The following ST6GALNAC5 variants were observed in gnomAD, a reference collection of about 807,000 sequenced individuals.
ST6GALNAC5 encodes ST6 N-acetylgalactosaminide alpha-2,6-sialyltransferase 5, also known as alpha-N-acetylgalactosaminide alpha-2,6-sialyltransferase 5.
In ST6GALNAC5, 27 loss-of-function variants were observed where a neutral mutation model predicts 33.6. The observed-to-expected ratio is 0.80, with a 90% CI of 0.59 to 1.11. The LOEUF (loss-of-function observed/expected upper bound fraction) is 1.11, where lower values mean the gene tolerates loss of function less well. Among genes scored for constraint, ST6GALNAC5 ranks in the 50% least tolerant of loss-of-function variants. The pLI, the probability that ST6GALNAC5 is intolerant of heterozygous loss-of-function variation, is 0.00. For synonymous variants in ST6GALNAC5, 194 were observed against 171.2 expected (o/e 1.13, Z -1.04); for missense variants, 428 against 454.0 (o/e 0.94, Z 0.52).
chr1:76,982,722 A>C (rs575296746), intron 2 of ST6GALNAC5, among the ~76,000 whole-genome samples: 8 of 152,308 alleles, frequency 5.3e-5, no homozygotes, highest in Admixed American at 3.9e-4. Context: ...CAGATTCAAC[A>C]AGGTTGAAAT....
In ST6GALNAC5 at chr1:76,998,776, G is replaced by A. The variant is rs1328522462; in HGVS notation, c.262-45428G>A. Reference sequence around the variant, plus strand: ...CATGACTAATATGTGTGAAATGTTTGAAGATGAAACTCTCTTTTGTAATTA... The same window carrying A: ...CATGACTAATATGTGTGAAATGTTTAAAGATGAAACTCTCTTTTGTAATTA... On this transcript the variant is annotated intron_variant, in intron 2 of 4. Transcript: ENST00000477717. Among the ~76,000 whole-genome samples the A allele has an allele frequency of 5.9e-5, 9 of 152,262 alleles. No homozygotes were observed. In the South Asian group the frequency reaches 8.3e-4, roughly 14 times the overall value.
chr1:76,868,956 G>T lies in ST6GALNAC5; in HGVS notation c.261+214G>T, dbSNP rs963987113. The T allele has an allele frequency of 2.8e-5, 21 of 741,662 alleles. No homozygotes were observed. Among genetic ancestry groups the T allele is most frequent in the Non-Finnish European group, 2.6e-5 (13 of 503,638 alleles). 45.9% of individuals were successfully genotyped at this position (741,662 alleles called of 1,614,324 possible). On this transcript the variant is annotated intron_variant, in intron 2 of 4. Coordinates refer to ENST00000477717, the MANE Select transcript of ST6GALNAC5 (RefSeq NM_030965.3). This position sits in a 1 kb window ranked among gnomAD's most constrained non-coding sequence, Gnocchi z 4.3. The stretch of plus-strand genomic sequence containing the variant: ...AAGTTTTGTAGAAAATAGGGGTGAG[G>T]TGCGTGGACCCCAAAGCCTAATTTC...
intron 2 of ST6GALNAC5, 136 bp from the exon 3 acceptor site, chr1:77,044,068 A>G (rs1651920765): frequency 4.1e-6 from 4 of 978,752 alleles, no homozygotes; most frequent in South Asian, 3.6e-5. Context: ...TAATAGCAGA[A>G]GGGATATACT....
chr1:77,016,494 C>T (rs1650858328), intron 2 of ST6GALNAC5, among the ~76,000 whole-genome samples: 1 of 151,888 alleles, frequency 6.6e-6, no homozygotes, highest in African/African-American at 2.4e-5. Flanking sequence ...ACAAAGTGCA[C>T]AATGGTCATT....
chr1:76,950,495 G>A (rs1445786645), intron 2 of ST6GALNAC5, among the ~76,000 whole-genome samples: 1 of 152,038 alleles, frequency 6.6e-6, no homozygotes, highest in East Asian at 1.9e-4. Flanking sequence ...CTTGTCATGA[G>A]CAGGCATTAA....
intron 2 of ST6GALNAC5, among the ~76,000 whole-genome samples, chr1:76,992,576 C>T (rs1391705654): frequency 6.6e-6 from 1 of 152,194 alleles, no homozygotes; most frequent in Non-Finnish European, 1.5e-5. Context: ...CTCACTGCAA[C>T]CTCTGCCTCC....
At chr1:76,880,922 C>T (rs563572018) in intron 2 of ST6GALNAC5, among the ~76,000 whole-genome samples, 16 of 152,236 alleles carry the variant, frequency 1.1e-4, no homozygotes, top group Middle Eastern at 3.4e-3. Context: ...AGAGAATTTC[C>T]GTAACCTGTA....
At chr1:76,952,166 T>G (rs912238470) in intron 2 of ST6GALNAC5, among the ~76,000 whole-genome samples, 1 of 152,120 alleles carries the variant, frequency 6.6e-6, no homozygotes, top group Non-Finnish European at 1.5e-5. Context: ...ATTGGTGGTG[T>G]TTGCTTATTT....
intron 2 of ST6GALNAC5, among the ~76,000 whole-genome samples, chr1:77,036,378 T>C (rs1245734996): frequency 6.6e-6 from 1 of 152,222 alleles, no homozygotes; most frequent in African/African-American, 2.4e-5. Flanking sequence ...AAAAAATTAT[T>C]TTTAATTCAT....
chr1:77,034,209 CT>C (rs1651567787), intron 2 of ST6GALNAC5, among the ~76,000 whole-genome samples: 1 of 152,056 alleles, frequency 6.6e-6, no homozygotes, highest in African/African-American at 2.4e-5. Context: ...ATGATACTTC[CT>C]TGCATCTTCC....
intron 2 of ST6GALNAC5, among the ~76,000 whole-genome samples, chr1:76,976,603 G>GT (rs1324383485): frequency 6.6e-6 from 1 of 151,930 alleles, no homozygotes; most frequent in Non-Finnish European, 1.5e-5. Context: ...GCCCATTTAG[G>GT]TTTTTGCAAT....
intron 2 of ST6GALNAC5, among the ~76,000 whole-genome samples, chr1:76,977,693 T>A (rs2100375818): frequency 6.6e-6 from 1 of 152,336 alleles, no homozygotes; most frequent in East Asian, 1.9e-4. Flanking sequence ...TATTCCATTC[T>A]ATACACCACA....
At chr1:76,890,141 T>C (rs1653982733) in intron 2 of ST6GALNAC5, among the ~76,000 whole-genome samples, 1 of 152,166 alleles carries the variant, frequency 6.6e-6, no homozygotes, top group African/African-American at 2.4e-5. Flanking sequence ...GCCAAGCCCC[T>C]AGAAGCCCTA....
intron 2 of ST6GALNAC5, among the ~76,000 whole-genome samples, chr1:76,874,995 T>C (rs1653603829): frequency 6.6e-6 from 1 of 152,162 alleles, no homozygotes; most frequent in African/African-American, 2.4e-5. Context: ...AAGTTATCAA[T>C]ACTTAAATGC....
Position 76,868,239 on chromosome 1 carries a change from C to A in ST6GALNAC5, c.16-258C>A, listed in dbSNP as rs1395382466. Among the ~76,000 whole-genome samples the A allele has an allele frequency of 1.3e-5, 2 of 151,990 alleles. No homozygotes were observed. Among genetic ancestry groups the A allele is most frequent in the Non-Finnish European group, 2.9e-5 (2 of 67,984 alleles). ...GCCCCGGCGCGCTCCCTCCCTCAGC[C>A]CGGGGCCGTACACCACCTGCCCTCT... On this transcript the variant is annotated intron_variant, in intron 1 of 4. Coordinates refer to ENST00000477717, the MANE Select transcript of ST6GALNAC5 (RefSeq NM_030965.3). This position sits in a 1 kb window ranked among gnomAD's most constrained non-coding sequence, Gnocchi z 4.3.
intron 2 of ST6GALNAC5, among the ~76,000 whole-genome samples, chr1:76,939,900 AACTT>A (rs1321463176): frequency 6.6e-6 from 1 of 152,038 alleles, no homozygotes; most frequent in Non-Finnish European, 1.5e-5. Flanking sequence ...GACTTTGGGG[AACTT>A]ACTTAACCTC....
intron 2 of ST6GALNAC5, among the ~76,000 whole-genome samples, chr1:76,939,875 G>A (rs1248124259): frequency 6.6e-6 from 1 of 152,116 alleles, no homozygotes; most frequent in Non-Finnish European, 1.5e-5. Context: ...CACAATGGCT[G>A]CCTCCTAGCT....
intron 4 of ST6GALNAC5, among the ~76,000 whole-genome samples, chr1:77,053,159 A>G (rs1652284255): frequency 6.6e-6 from 1 of 152,154 alleles, no homozygotes; most frequent in East Asian, 1.9e-4. Context: ...CTAGTCTGCT[A>G]CTCATTTGAC....
intron 2 of ST6GALNAC5, among the ~76,000 whole-genome samples, chr1:76,924,325 A>T (rs1647064281): frequency 6.6e-6 from 1 of 152,142 alleles, no homozygotes; most frequent in Non-Finnish European, 1.5e-5. Context: ...GGAGAAGATT[A>T]ATTTGACTTA....
Sources: gnomAD v4.1 joint callset for allele counts (sites outside exome capture counted in the v4.1 genomes callset) on GRCh38, gnomAD v4.1.1 for gene constraint, Gnocchi (gnomAD v3.1) non-coding constraint, MANE v1.5 for transcripts, NCBI Gene and HGNC (gene_info 2026-07-23, HGNC 2026-07-21) for gene names.